The following CFAP77 variants were observed in gnomAD, a reference collection of about 807,000 sequenced individuals.
CFAP77 encodes the protein cilia and flagella associated protein 77.
A neutral mutation model predicts 31.1 loss-of-function variants in CFAP77; 25 were observed. The ratio of observed to expected loss-of-function variants is 0.80; its 90% confidence interval spans 0.59 to 1.12. CFAP77 has a LOEUF of 1.12. Ranked by LOEUF, CFAP77 falls within the 50% of genes most tolerant of loss-of-function variation. The pLI is 0.00. For missense variants in CFAP77, 377 were observed against 397.3 expected (o/e 0.95, Z 0.44); for synonymous variants, 151 against 159.9 (o/e 0.94, Z 0.42).
intron 5 of CFAP77, among the ~76,000 whole-genome samples, chr9:132,560,725 T>C (rs1852981845): frequency 6.6e-6 from 1 of 152,226 alleles, no homozygotes; most frequent in Non-Finnish European, 1.5e-5. Context: ...GTATCCTTCC[T>C]GAGCTTCAGT....
intron 5 of CFAP77, among the ~76,000 whole-genome samples, chr9:132,546,875 G>A (rs1852741356): frequency 6.6e-6 from 1 of 152,202 alleles, no homozygotes; most frequent in Non-Finnish European, 1.5e-5. Flanking sequence ...TGAGTGGGTG[G>A]GACTAGTTCT....
chr9:132,469,543 G>A lies in CFAP77; in HGVS notation c.196-29152G>A, dbSNP rs553867865. Among the ~76,000 whole-genome samples the A allele has an allele frequency of 5.3e-5, 8 of 152,212 alleles. No homozygotes were observed. In the East Asian group the frequency reaches 9.7e-4, roughly 18 times the overall value. On this transcript the variant is annotated intron_variant, in intron 1 of 5. Transcript: ENST00000393216. ...CTGAACAGGGGCAGAGGGAGGAGGC[G>A]AGGGGACATAGAGGCACATCCGTGC...
chr9:132,502,250 C>CAT lies in CFAP77; in HGVS notation c.524+2665_524+2666dup, dbSNP rs201612657. Among the ~76,000 whole-genome samples the CAT allele has an allele frequency of 1.4e-3, 146 of 102,202 alleles. 1 individual carries two copies. Among genetic ancestry groups the CAT allele is most frequent in the African/African-American group, 5.1e-3 (117 of 22,804 alleles). 67.0% of individuals were successfully genotyped at this position (102,202 alleles called of 152,430 possible). On this transcript the variant is annotated intron_variant, in intron 3 of 5. Coordinates refer to ENST00000393216, the MANE Select transcript of CFAP77 (RefSeq NM_001282957.2). ...AGGTGCCTTCCTTTGACTGTGCCAT[C>CAT]ATATATATATATATATTTTTTTTTT...
chr9:132,570,752 C>T (rs1589931700), intron 5 of CFAP77, among the ~76,000 whole-genome samples: 1 of 152,326 alleles, frequency 6.6e-6, no homozygotes, highest in South Asian at 2.1e-4. Flanking sequence ...CTCCACAGCC[C>T]CCTGCCTTCT....
chr9:132,483,206 G>A (rs933684949), intron 1 of CFAP77, among the ~76,000 whole-genome samples: 1 of 152,124 alleles, frequency 6.6e-6, no homozygotes, highest in Non-Finnish European at 1.5e-5. Flanking sequence ...AGGAGGCAGA[G>A]GTTGCAGTGA....
At chr9:132,420,631 G>A (rs886427736) in intron 1 of CFAP77, among the ~76,000 whole-genome samples, 10 of 151,318 alleles carry the variant, frequency 6.6e-5, no homozygotes, top group East Asian at 1.9e-4. Flanking sequence ...ATTGCACTCC[G>A]GCCTGCAGCC....
intron 5 of CFAP77, among the ~76,000 whole-genome samples, chr9:132,569,419 T>TAGGGGGGAAA (rs1267742414): frequency 1.3e-5 from 2 of 151,186 alleles, no homozygotes; most frequent in Non-Finnish European, 3.0e-5. Flanking sequence ...CGGAGGGTGG[T>TAGGGGGGAAA]AGGGGGGAAA....
chr9:132,472,104 T>C (rs12378221), intron 1 of CFAP77, among the ~76,000 whole-genome samples: 31,071 of 151,698 alleles, frequency 0.2, 3,292 homozygotes, highest in Non-Finnish European at 0.24. Flanking sequence ...GCCCCCATGA[T>C]TCCATCCCAC....
intron 1 of CFAP77, among the ~76,000 whole-genome samples, chr9:132,432,825 T>C (rs1850434344): frequency 6.6e-6 from 1 of 152,200 alleles, no homozygotes; most frequent in Non-Finnish European, 1.5e-5. Context: ...GCCATTCTCC[T>C]GCCTTAGCCT....
chr9:132,444,903 C>G (rs1691334254), intron 1 of CFAP77, among the ~76,000 whole-genome samples: 1 of 151,900 alleles, frequency 6.6e-6, no homozygotes, highest in Non-Finnish European at 1.5e-5. Flanking sequence ...AACTGAAACT[C>G]TGTCCCCATT....
chr9:132,472,857 C>A (rs1053783324), intron 1 of CFAP77, among the ~76,000 whole-genome samples: 1 of 152,246 alleles, frequency 6.6e-6, no homozygotes, highest in African/African-American at 2.4e-5. Flanking sequence ...TGTATTGAAC[C>A]GTATGAAATT....
At chr9:132,518,956 C>T (rs1852197448) in intron 3 of CFAP77, among the ~76,000 whole-genome samples, 1 of 152,154 alleles carries the variant, frequency 6.6e-6, no homozygotes, top group African/African-American at 2.4e-5. Flanking sequence ...AGTGGCGTTC[C>T]CTGGGCCTCA....
At position 132,499,558 on chromosome 9, in the gene CFAP77, C is replaced by A. The variant is rs577936477; in HGVS notation, c.482C>A (p.Pro161Gln). ...GATGACCGGCGCATGAAGAAAGAGCCGCCCCCTCTCCCTCCAAACATGACA... is the reference window on the plus strand; with the variant it reads ...GATGACCGGCGCATGAAGAAAGAGCAGCCCCCTCTCCCTCCAAACATGACA... ...DQDDRRMKKEPPPLPPNMTFG... is the reference protein window; with the variant it reads ...DQDDRRMKKEQPPLPPNMTFG... Residue 161 changes from proline (P) to glutamine (Q), a missense_variant, in exon 3 of 6, where the codon CCG (proline) becomes CAG (glutamine). By Grantham distance (76) the Pro-to-Gln change is moderately conservative (BLOSUM62 -1). Coordinates refer to ENST00000393216, the MANE Select transcript of CFAP77 (RefSeq NM_001282957.2). The surrounding 1 kb of genome is among the most constrained non-coding windows in gnomAD (Gnocchi z 5.4). 1 of 1,614,074 alleles carries A rather than the reference C, an allele frequency of 6.2e-7. No homozygotes were observed. Among genetic ancestry groups the A allele is most frequent in the African/African-American group, 1.3e-5 (1 of 74,928 alleles).
At chr9:132,451,889 C>G (rs1850834188) in intron 1 of CFAP77, among the ~76,000 whole-genome samples, 1 of 150,830 alleles carries the variant, frequency 6.6e-6, no homozygotes, top group Non-Finnish European at 1.5e-5. Context: ...ACTGCAACTT[C>G]CGCCTCCTGG....
chr9:132,565,901 G>A lies in CFAP77; in HGVS notation c.733-6487G>A, dbSNP rs778870417. 3.3e-5 allele frequency among the ~76,000 whole-genome samples: 5 copies of A among 152,218 alleles called. No homozygotes were observed. The highest frequency in any genetic ancestry group is 4.8e-5 in the African/African-American group (2 of 41,470). ...CGCCCGGCTCCCAGGGCTGCTGGCG[G>A]CTGTGGCACTTGCCTCTTATTTACC... On this transcript the variant is annotated intron_variant, in intron 5 of 5. Transcript: ENST00000393216. The surrounding 1 kb of genome is among the most constrained non-coding windows in gnomAD (Gnocchi z 4.1).
chr9:132,521,837 G>A (rs1175214112), intron 3 of CFAP77, among the ~76,000 whole-genome samples: 1 of 135,414 alleles, frequency 7.4e-6, no homozygotes, highest in Non-Finnish European at 1.5e-5. Flanking sequence ...CAAAATCTCA[G>A]CTCACTGCAA....
chr9:132,567,285 G>A (rs1363763048), intron 5 of CFAP77, among the ~76,000 whole-genome samples: 1 of 152,218 alleles, frequency 6.6e-6, no homozygotes, highest in Non-Finnish European at 1.5e-5. Flanking sequence ...ACTCTGAAGT[G>A]CAAGGGGTGT....
intron 1 of CFAP77, among the ~76,000 whole-genome samples, chr9:132,471,057 C>G (rs1205086049): frequency 2.0e-5 from 3 of 152,054 alleles, no homozygotes; most frequent in Non-Finnish European, 2.9e-5. Context: ...AATTAAAACA[C>G]TTGTGTGGGC....
intron 1 of CFAP77, among the ~76,000 whole-genome samples, chr9:132,485,647 C>T (rs1261399485): frequency 6.6e-6 from 1 of 152,106 alleles, no homozygotes; most frequent in African/African-American, 2.4e-5. Context: ...GGAATGAAAC[C>T]CCACACAGTG....
Sources: allele counts gnomAD v4.1 joint callset (sites outside exome capture counted in the v4.1 genomes callset), GRCh38; gene constraint gnomAD v4.1.1; non-coding constraint Gnocchi (gnomAD v3.1); transcripts MANE v1.5; gene names NCBI Gene and HGNC (gene_info 2026-07-23, HGNC 2026-07-21).